Variants in GAS7 observed in about 807,000 individuals in gnomAD.
GAS7 encodes the protein growth arrest specific 7, also known as growth arrest-specific protein 7.
A neutral mutation model predicts 71.1 loss-of-function variants in GAS7; 28 were observed. That is an observed-to-expected ratio of 0.39 (90% CI 0.29 to 0.54). The LOEUF (loss-of-function observed/expected upper bound fraction) is 0.54, where lower values mean the gene tolerates loss of function less well. Ranked by LOEUF, GAS7 falls within the 20% of genes least tolerant of loss-of-function variation. The pLI is 0.62. For missense variants in GAS7, 436 were observed against 627.8 expected, an observed-to-expected ratio of 0.69 and a Z score of 3.27; for synonymous variants, 258 against 245.8, an observed-to-expected ratio of 1.05 and a Z score of -0.46.
intron 8 of GAS7, among the ~76,000 whole-genome samples, chr17:9,934,646 C>A (rs2068332139): frequency 6.6e-6 from 1 of 152,174 alleles, no homozygotes; most frequent in African/African-American, 2.4e-5. Context: ...CACATCACCC[C>A]TCCCTGGTTT....
intron 3 of GAS7, among the ~76,000 whole-genome samples, chr17:9,973,670 T>C (rs777779893): frequency 6.6e-6 from 1 of 152,088 alleles, no homozygotes; most frequent in Non-Finnish European, 1.5e-5. Flanking sequence ...CAAAAAGAAG[T>C]GAAACCTTTG....
intron 1 of GAS7, among the ~76,000 whole-genome samples, chr17:10,197,816 G>A (rs1302279621): frequency 6.6e-6 from 1 of 152,164 alleles, no homozygotes; most frequent in Non-Finnish European, 1.5e-5. Flanking sequence ...GGACCGAGTC[G>A]GTGCCACTTT....
At chr17:10,027,846 C>T (rs1441171545) in intron 1 of GAS7, among the ~76,000 whole-genome samples, 2 of 152,108 alleles carry the variant, frequency 1.3e-5, no homozygotes, top group Non-Finnish European at 2.9e-5. Flanking sequence ...ATAGTGAGAC[C>T]CCACCGCCCC....
At chr17:10,012,832 G>T (rs1197162558) in intron 2 of GAS7, among the ~76,000 whole-genome samples, 2 of 152,116 alleles carry the variant, frequency 1.3e-5, no homozygotes, top group South Asian at 4.2e-4. Flanking sequence ...GCAGGGCGCG[G>T]TGGCTCACGC....
intron 2 of GAS7, among the ~76,000 whole-genome samples, chr17:10,018,287 C>T (rs2152203426): frequency 6.6e-6 from 1 of 152,250 alleles, no homozygotes; most frequent in South Asian, 2.1e-4. Context: ...TGCTGAAATT[C>T]AGAAAGCCAT....
chr17:10,102,205 TAAAAAAAAAAAAA>T (rs34961542), intron 1 of GAS7, among the ~76,000 whole-genome samples: 3 of 70,274 alleles, frequency 4.3e-5, no homozygotes, highest in East Asian at 5.1e-4. Flanking sequence ...AGAGTGCCCG[TAAAAAAAAAAAAA>T]AAAAAAAAAA....
rs762775059 is a variant in GAS7, at chr17:9,969,647, C to T, written c.471+30G>A. 3.3e-5 allele frequency: 44 copies of T among 1,339,582 alleles called. No homozygotes were observed. The highest frequency in any genetic ancestry group is 3.2e-4 in the East Asian group (14 of 43,578). The allele number at this position is 1,339,582 out of a possible 1,614,324, so 83.0% of individuals were successfully genotyped here. A position where few individuals can be genotyped will look rare whatever the true frequency, so the allele number is the denominator to read the frequency against. ...TTCCTAGGCCTGCAGAAGCAGTGAC[C>T]GCTATACCTCCCTCAACAGGACCCC... On this transcript the variant is annotated intron_variant, in intron 4 of 13. Coordinates refer to ENST00000432992, the MANE Select transcript of GAS7 (RefSeq NM_201433.2). The surrounding 1 kb of genome is among the most constrained non-coding windows in gnomAD (Gnocchi z 5.5).
chr17:9,955,776 T>G (rs558725916), intron 5 of GAS7, among the ~76,000 whole-genome samples: 2 of 152,046 alleles, frequency 1.3e-5, no homozygotes, highest in Non-Finnish European at 2.9e-5. Flanking sequence ...CAGGGCAAGT[T>G]CCAGCAGGCA....
chr17:9,958,451 G>A (rs930862618), intron 5 of GAS7, among the ~76,000 whole-genome samples: 1 of 152,196 alleles, frequency 6.6e-6, no homozygotes, highest in African/African-American at 2.4e-5. Flanking sequence ...GGTCGGAATG[G>A]CTCAGAGCTG....
At position 9,959,233 on chromosome 17, in the gene GAS7, C is replaced by T. The variant is rs748250184; in HGVS notation, c.494G>A (p.Ser165Asn). 15 of 1,614,050 alleles carry T rather than the reference C, an allele frequency of 9.3e-6. No homozygotes were observed. In the East Asian group the frequency reaches 2.9e-4, roughly 31 times the overall value. The stretch of plus-strand genomic sequence containing the variant: ...GGTGTTTTCCTTGCTCTGCTTTTTG[C>T]TTGGCGATGAGGATCCCAGGTTCTG... ...DSQNLGSSSP[S>N]KKQSKENTIT... Residue 165 changes from serine (S) to asparagine (N), a missense_variant, in exon 5 of 14, where the codon AGC becomes AAC. By Grantham distance (46) the Ser-to-Asn change is conservative (BLOSUM62 1). Coordinates refer to ENST00000432992, the MANE Select transcript of GAS7 (RefSeq NM_201433.2). The surrounding 1 kb of genome is among the most constrained non-coding windows in gnomAD (Gnocchi z 5.0).
intron 2 of GAS7, among the ~76,000 whole-genome samples, chr17:10,013,436 G>A (rs2071859916): frequency 1.3e-5 from 2 of 152,150 alleles, no homozygotes; most frequent in South Asian, 4.1e-4. Context: ...AACTTTTGGT[G>A]GGAATGGAGA....
At chr17:10,197,752 G>A (rs1211394959) in intron 1 of GAS7, among the ~76,000 whole-genome samples, 3 of 152,164 alleles carry the variant, frequency 2.0e-5, no homozygotes, top group Non-Finnish European at 4.4e-5. Context: ...AAGGCAGCAC[G>A]ACCGTCCACG....
At chr17:10,089,802 G>A (rs957393655) in intron 1 of GAS7, among the ~76,000 whole-genome samples, 6 of 152,178 alleles carry the variant, frequency 3.9e-5, no homozygotes, top group Non-Finnish European at 8.8e-5. Flanking sequence ...AATAAATCGA[G>A]AAACAACATA....
chr17:9,952,681 C>A (rs530263863), intron 5 of GAS7, among the ~76,000 whole-genome samples: 48 of 152,330 alleles, frequency 3.2e-4, no homozygotes, highest in African/African-American at 1.1e-3. Context: ...GCGTGAGTCA[C>A]CGCGCCCGGC....
At chr17:10,182,806 T>C (rs1377626553) in intron 1 of GAS7, among the ~76,000 whole-genome samples, 1 of 152,150 alleles carries the variant, frequency 6.6e-6, no homozygotes, top group Non-Finnish European at 1.5e-5. Flanking sequence ...AAAAAGAGAT[T>C]TTCCATCCAG....
At chr17:9,970,628 A>G (rs1028156989) in intron 3 of GAS7, among the ~76,000 whole-genome samples, 2 of 151,796 alleles carry the variant, frequency 1.3e-5, no homozygotes, top group Non-Finnish European at 2.9e-5. Flanking sequence ...GCAAAACTCC[A>G]TCAAAAAACA....
Position 10,198,261 on chromosome 17 carries a change from T to C in GAS7, c.130A>G (p.Lys44Glu), listed in dbSNP as rs1381889187. The C allele has an allele frequency of 1.9e-6, 3 of 1,606,962 alleles. No homozygotes were observed. Among genetic ancestry groups the C allele is most frequent in the Non-Finnish European group, 2.5e-6 (3 of 1,179,464 alleles). ...AACCAGCCACGGAGCCCGTCCTCCTTCTCGCCTTCCCACCAGCCGCCGTCC... is the reference window on the plus strand; with the variant it reads ...AACCAGCCACGGAGCCCGTCCTCCTCCTCGCCTTCCCACCAGCCGCCGTCC... ...VPDGGWWEGE[K>E]EDGLRGWFPA... The change falls in exon 1 of 14, where the codon AAG (lysine) becomes GAG (glutamate). Residue 44 changes from lysine to glutamate, a missense_variant. By Grantham distance (56) the Lys-to-Glu change is moderately conservative. Coordinates refer to ENST00000432992, the MANE Select transcript of GAS7 (RefSeq NM_201433.2).
chr17:10,097,014 C>T (rs1256603351), intron 1 of GAS7, among the ~76,000 whole-genome samples: 1 of 152,198 alleles, frequency 6.6e-6, no homozygotes, highest in Non-Finnish European at 1.5e-5. Flanking sequence ...CAACAAATAC[C>T]CCAAAAAACT....
chr17:9,999,501 G>C (rs186829265), intron 2 of GAS7, among the ~76,000 whole-genome samples: 25 of 149,154 alleles, frequency 1.7e-4, no homozygotes, highest in Non-Finnish European at 2.9e-5. Context: ...CTAAGTGACA[G>C]GGTAAGACTT....
Sources: gnomAD v4.1 joint callset for allele counts (sites outside exome capture counted in the v4.1 genomes callset) on GRCh38, gnomAD v4.1.1 for gene constraint, Gnocchi (gnomAD v3.1) non-coding constraint, MANE v1.5 for transcripts, NCBI Gene and HGNC (gene_info 2026-07-23, HGNC 2026-07-21) for gene names.